The following ATP10D variants were observed in gnomAD, a reference collection of about 807,000 sequenced individuals.
ATP10D encodes the protein phospholipid-transporting ATPase VD.
Under a neutral mutation model 144.8 loss-of-function variants are expected in ATP10D, and 89 were observed. That is an observed-to-expected ratio of 0.61 (90% CI 0.52 to 0.73). The LOEUF is 0.73. ATP10D is among the 30% of genes least tolerant of loss of function. The pLI, the probability that ATP10D is intolerant of heterozygous loss-of-function variation, is 0.00. For missense variants in ATP10D, 1,603 were observed against 1,714.8 expected (o/e 0.93, Z 1.15); for synonymous variants, 571 against 615.1 (o/e 0.93, Z 1.06).
In ATP10D at chr4:47,576,811, T is replaced by C. The variant is rs1279431857; in HGVS notation, c.3405T>C (p.Cys1135=). The change falls in exon 19 of 23, where the codon TGT becomes TGC. Residue 1135 remains cysteine, a synonymous_variant. Transcript: ENST00000273859. ...VNLLFWYQFF[C]GFSGTSMTDY... ...TCCTTTTCTGGTACCAGTTCTTTTG[T>C]GGATTTTCAGGAACATCCATGACTG... 1.9e-6 allele frequency: 3 copies of C among 1,614,190 alleles called. No individual in the cohort carries two copies. The highest frequency in any genetic ancestry group is 2.5e-6 in the Non-Finnish European group (3 of 1,180,022).
rs369714734 is a variant in ATP10D at position 47,591,236 on chromosome 4, C to T, written c.4136C>T (p.Pro1379Leu). 2 of 1,613,474 alleles carry T rather than the reference C, an allele frequency of 1.2e-6. No individual in the cohort carries two copies. The highest frequency in any genetic ancestry group is 2.2e-5 in the East Asian group (1 of 44,890). Residue 1379 changes from proline to leucine, a missense_variant, in exon 23 of 23, where the codon CCT becomes CTT. Coordinates refer to ENST00000273859, the MANE Select transcript of ATP10D (RefSeq NM_020453.4). ...TCAGGAAGAAGACCCATGCCTGGCC[C>T]TTCTGCTGTATTTGCAATGAAGTCA... Reference protein sequence around the residue: ...GKSGRRPMPGPSAVFAMKSAS... With the variant: ...GKSGRRPMPGLSAVFAMKSAS...
intron 21 of ATP10D, among the ~76,000 whole-genome samples, chr4:47,585,276 T>G (rs1418182106): frequency 6.6e-6 from 1 of 151,996 alleles, no homozygotes; most frequent in Admixed American, 6.6e-5. Flanking sequence ...AAAAACGCAA[T>G]TATTTTTGCA....
intron 10 of ATP10D, among the ~76,000 whole-genome samples, chr4:47,554,065 C>G (rs1718854532): frequency 6.6e-6 from 1 of 152,214 alleles, no homozygotes; most frequent in Non-Finnish European, 1.5e-5. Context: ...GTGTGAGAAG[C>G]ATTGTGTCAA....
intron 1 of ATP10D, among the ~76,000 whole-genome samples, chr4:47,493,041 C>T (rs1715165148): frequency 6.6e-6 from 1 of 152,138 alleles, no homozygotes; most frequent in African/African-American, 2.4e-5. Context: ...CTACAAATAA[C>T]TCTACTTTCC....
chr4:47,527,494 C>T (rs1400636170), intron 5 of ATP10D, among the ~76,000 whole-genome samples: 1 of 152,008 alleles, frequency 6.6e-6, no homozygotes, highest in African/African-American at 2.4e-5. Flanking sequence ...ACTGTTTTTA[C>T]AATGAAAAGA....
chr4:47,490,172 A>T (rs745947728), intron 1 of ATP10D, among the ~76,000 whole-genome samples: 2 of 152,158 alleles, frequency 1.3e-5, no homozygotes, highest in Non-Finnish European at 2.9e-5. Context: ...GACTATAATA[A>T]TATAGTTAGA....
chr4:47,593,160 A>T lies in ATP10D; in HGVS notation c.*1779A>T, dbSNP rs553798546. The T allele has an allele frequency of 2.0e-5, 3 of 152,078 alleles. No individual in the cohort carries two copies. Among genetic ancestry groups the T allele is most frequent in the African/African-American group, 7.2e-5 (3 of 41,426 alleles). 9.4% of individuals were successfully genotyped at this position (152,078 alleles called of 1,614,324 possible). ...GGACAAAGAATGATCCAAAAATACT[A>T]AGGAAAAAGAACAATTTTCAATTTT... On this transcript the variant is annotated 3_prime_UTR_variant, in exon 23 of 23. Coordinates refer to ENST00000273859, the MANE Select transcript of ATP10D (RefSeq NM_020453.4).
In ATP10D at chr4:47,592,652, AT is replaced by A. The variant is rs1160778453; in HGVS notation, c.*1272del. ...TTCCTTCCTGAATCTCCATGCTCAT[AT>A]GCAATGTCTACATCAAGGTCTTCTT... On this transcript the variant is annotated 3_prime_UTR_variant, in exon 23 of 23. Transcript: ENST00000273859. The A allele has an allele frequency of 1.3e-5, 2 of 152,536 alleles. No individual in the cohort carries two copies. Among genetic ancestry groups the A allele is most frequent in the Non-Finnish European group, 2.9e-5 (2 of 67,992 alleles). The allele number at this position is 152,536 out of a possible 1,614,324, so 9.4% of individuals were successfully genotyped here.
chr4:47,589,713 T>C (rs996480431), intron 22 of ATP10D, among the ~76,000 whole-genome samples: 1 of 152,156 alleles, frequency 6.6e-6, no homozygotes, highest in South Asian at 2.1e-4. Flanking sequence ...AAGGTTTCCA[T>C]ATTTCTCTGT....
At chr4:47,551,244 C>T (rs536179684) in intron 10 of ATP10D, among the ~76,000 whole-genome samples, 1 of 152,274 alleles carries the variant, frequency 6.6e-6, no homozygotes, top group South Asian at 2.1e-4. Flanking sequence ...TCCTGTCTCT[C>T]AGTAGGAAGG....
intron 20 of ATP10D, among the ~76,000 whole-genome samples, 163 bp from the exon 21 acceptor site, chr4:47,581,797 A>G (rs950838587): frequency 1.2e-4 from 18 of 152,146 alleles, no homozygotes; most frequent in Non-Finnish European, 2.4e-4. Context: ...TCTGGGAGAG[A>G]GTCAGTCTCT....
At chr4:47,557,641 C>G (rs938573238) in intron 11 of ATP10D, 23 bp from the exon 12 acceptor site, 2 of 1,572,630 alleles carry the variant, frequency 1.3e-6, no homozygotes, top group South Asian at 1.2e-5. Context: ...TGTATTGAGA[C>G]CTTTCTAAAT....
chr4:47,532,044 G>A (rs983062972), intron 5 of ATP10D, among the ~76,000 whole-genome samples: 1 of 152,188 alleles, frequency 6.6e-6, no homozygotes, highest in African/African-American at 2.4e-5. Flanking sequence ...TCCCAATTCT[G>A]ATAGTTTGTC....
rs778950827 is a variant in ATP10D at position 47,572,222 on chromosome 4, G to GGCATGCAGGTGAGTGGATATTGT, written c.3236_3240+18dup. On this transcript the variant is annotated frameshift_variant, in exon 17 of 23. Coordinates refer to ENST00000273859, the MANE Select transcript of ATP10D (RefSeq NM_020453.4). LOFTEE classifies it high-confidence loss of function. ...TGGGATAGGGGTCTCAGGTCAAGAA[G>GGCATGCAGGTGAGTGGATATTGT]GCATGCAGGTGAGTGGATATTGTGC... 6.2e-7 allele frequency: 1 copy of GGCATGCAGGTGAGTGGATATTGT among 1,613,996 alleles called. No individual in the cohort carries two copies. The highest frequency in any genetic ancestry group is 8.5e-7 in the Non-Finnish European group (1 of 1,179,926).
rs1445763020 is a variant in ATP10D at position 47,587,174 on chromosome 4, T to TA, written c.3910dup (p.Ile1304AsnfsTer30). Reference sequence around the variant, plus strand: ...TGGATCCAGTATTCTACTTAGTTTGTATCCTCACGACGTCCATTGCTCTTC... The same window carrying TA: ...TGGATCCAGTATTCTACTTAGTTTGTAATCCTCACGACGTCCATTGCTCTTC... On this transcript the variant is annotated frameshift_variant, in exon 22 of 23. Transcript: ENST00000273859. LOFTEE classifies it low-confidence loss of function (END_TRUNC). The TA allele has an allele frequency of 4.3e-6, 7 of 1,613,938 alleles. No individual in the cohort carries two copies. Among genetic ancestry groups the TA allele is most frequent in the Non-Finnish European group, 5.9e-6 (7 of 1,179,892 alleles).
chr4:47,525,668 T>C, intron 5 of ATP10D, 26 bp downstream of exon 5: 1 of 1,524,502 alleles, frequency 6.6e-7, no homozygotes, highest in Non-Finnish European at 9.1e-7. Context: ...TGAACATTTG[T>C]GGGTGTAAGT....
chr4:47,505,278 A>G (rs1172701273), intron 1 of ATP10D, among the ~76,000 whole-genome samples: 2 of 152,210 alleles, frequency 1.3e-5, no homozygotes, highest in Non-Finnish European at 2.9e-5. Context: ...CTTAATTCCA[A>G]CTGTGCATTT....
At chr4:47,507,590 T>C (rs1325417895) in intron 1 of ATP10D, among the ~76,000 whole-genome samples, 4 of 152,224 alleles carry the variant, frequency 2.6e-5, no homozygotes, top group Non-Finnish European at 5.9e-5. Context: ...GATTGAGCCA[T>C]GCAAAAGGAA....
chr4:47,575,769 TA>T (rs974493197), intron 18 of ATP10D, among the ~76,000 whole-genome samples: 8 of 152,168 alleles, frequency 5.3e-5, no homozygotes, highest in Non-Finnish European at 1.2e-4. Flanking sequence ...AGGTGGCTTG[TA>T]AACAACATTT....
Sources: gnomAD v4.1 joint callset for allele counts (sites outside exome capture counted in the v4.1 genomes callset) on GRCh38, gnomAD v4.1.1 for gene constraint, MANE v1.5 for transcripts, NCBI Gene and HGNC (gene_info 2026-07-23, HGNC 2026-07-21) for gene names.